Variants in PGR observed in about 807,000 individuals in gnomAD.
PGR encodes the protein nuclear receptor subfamily 3 group C member 3.
A neutral mutation model predicts 76.1 loss-of-function variants in PGR; 25 were observed. The ratio of observed to expected loss-of-function variants is 0.33; its 90% CI spans 0.24 to 0.46. The LOEUF (loss-of-function observed/expected upper bound fraction) is 0.46, where lower values mean the gene tolerates loss of function less well. Among genes scored for constraint, PGR ranks in the 20% least tolerant of loss-of-function variants. The probability of loss-of-function intolerance (pLI) is 1.00; values close to 1 mark genes in which losing one functional copy is unlikely to be tolerated. For missense variants in PGR, 1,172 were observed against 1,225.3 expected (o/e 0.96, Z 0.65); for synonymous variants, 579 against 535.0 (o/e 1.08, Z -1.14).
At chr11:101,093,581 C>T (rs1333988484) in intron 2 of PGR, among the ~76,000 whole-genome samples, 1 of 152,160 alleles carries the variant, frequency 6.6e-6, no homozygotes, top group East Asian at 1.9e-4. Context: ...CTGCCTCAGC[C>T]TCTGAGTAGC....
In PGR at chr11:101,036,803, T is replaced by C. The variant is rs1859531717; in HGVS notation, c.*2313A>G. The C allele has an allele frequency of 5.2e-6, 1 of 192,206 alleles. No individual in the cohort carries two copies. Among genetic ancestry groups the C allele is most frequent in the South Asian group, 1.9e-4 (1 of 5,176 alleles). The allele number at this position is 192,206 out of a possible 1,614,324, so 11.9% of individuals were successfully genotyped here. A position where few individuals can be genotyped will look rare whatever the true frequency, so the allele number is the denominator to read the frequency against. On this transcript the variant is annotated 3_prime_UTR_variant, in exon 8 of 8. Transcript: ENST00000325455. ...ATAGTTGAGTGAAATTAGAAAATTT[T>C]AAAGTTATTATGGAAATTAAATATA...
chr11:101,113,379 A>G (rs1277337705), intron 2 of PGR, among the ~76,000 whole-genome samples: 1 of 150,732 alleles, frequency 6.6e-6, no homozygotes, highest in Non-Finnish European at 1.5e-5. Flanking sequence ...CTCCTGCCTC[A>G]GCCTCCTGAG....
chr11:101,078,033 G>T (rs1295066091), intron 3 of PGR, among the ~76,000 whole-genome samples: 1 of 152,164 alleles, frequency 6.6e-6, no homozygotes, highest in Non-Finnish European at 1.5e-5. Flanking sequence ...CTAAATTCAA[G>T]AATTTTGCAG....
intron 3 of PGR, among the ~76,000 whole-genome samples, chr11:101,089,481 A>C (rs187852005): frequency 3.3e-5 from 5 of 152,320 alleles, no homozygotes; most frequent in African/African-American, 1.2e-4. Context: ...TCTGCTTAAT[A>C]TCTTTCCACA....
intron 3 of PGR, among the ~76,000 whole-genome samples, chr11:101,083,181 C>A (rs1425027064): frequency 6.6e-6 from 1 of 152,196 alleles, no homozygotes; most frequent in Non-Finnish European, 1.5e-5. Context: ...GATGCAAACC[C>A]AAAGCCCTGG....
intron 2 of PGR, among the ~76,000 whole-genome samples, chr11:101,096,847 A>C (rs1032304188): frequency 6.7e-6 from 1 of 149,354 alleles, no homozygotes; most frequent in Non-Finnish European, 1.5e-5. Context: ...GTGATTCTAC[A>C]ACAAGTGTAA....
intron 2 of PGR, among the ~76,000 whole-genome samples, chr11:101,110,241 T>C (rs1862302241): frequency 6.6e-6 from 1 of 152,218 alleles, no homozygotes. Context: ...CTGCCATAGA[T>C]TGTAATTCCT....
chr11:101,126,789 G>A (rs749938254), intron 1 of PGR, among the ~76,000 whole-genome samples: 4 of 152,186 alleles, frequency 2.6e-5, no homozygotes, highest in Non-Finnish European at 2.9e-5. Context: ...TGAATAGCAA[G>A]CAATAATAAG....
chr11:101,089,165 AC>A (rs1861594390), intron 3 of PGR, among the ~76,000 whole-genome samples: 3 of 152,174 alleles, frequency 2.0e-5, no homozygotes, highest in Admixed American at 2.0e-4. Flanking sequence ...ACATGTACCC[AC>A]TGAAGCTAAA....
At chr11:101,039,420 C>T in intron 7 of PGR, 149 bp from the exon 8 acceptor site, 1 of 641,050 alleles carries the variant, frequency 1.6e-6, no homozygotes, top group Non-Finnish European at 2.8e-6. Context: ...TAACTCCCAC[C>T]ATTTTCTAGA....
rs10634903 is a variant in PGR at position 101,038,849 on chromosome 11, G to GAT, written c.*265_*266dup. 95,613 of 381,862 alleles carry GAT rather than the reference G, an allele frequency of 0.25. 12,956 individuals carry two copies. The highest frequency in any genetic ancestry group is 0.39 in the African/African-American group (18,979 of 48,628). The allele number at this position is 381,862 out of a possible 1,614,324, so 23.7% of individuals were successfully genotyped here. A position where few individuals can be genotyped will look rare whatever the true frequency, so the allele number is the denominator to read the frequency against. ...ACATGGTATGAAATAATATGGATAA[G>GAT]ATAGTTTACTTTAACAATTTTAGTA... On this transcript the variant is annotated 3_prime_UTR_variant, in exon 8 of 8. Transcript: ENST00000325455.
At chr11:101,053,585 C>CCCT (rs1555049471) in intron 4 of PGR, among the ~76,000 whole-genome samples, 1 of 120,684 alleles carries the variant, frequency 8.3e-6, no homozygotes, top group Non-Finnish European at 1.8e-5. Context: ...CTCCCCTTCT[C>CCCT]CCTTTCTTCC....
Position 101,029,880 on chromosome 11 carries a change from T to G in PGR, c.*9236A>C, listed in dbSNP as rs1859297002. On this transcript the variant is annotated 3_prime_UTR_variant, in exon 8 of 8. Transcript: ENST00000325455. ...GAAAATAAGTATATGATGATGATAT[T>G]AGGTGCCCACTAGCACCTAGTTTTT... The G allele has an allele frequency of 4.5e-6, 1 of 223,282 alleles. No homozygotes were observed. Among genetic ancestry groups the G allele is most frequent in the African/African-American group, 2.2e-5 (1 of 44,830 alleles). 13.8% of individuals were successfully genotyped at this position (223,282 alleles called of 1,614,324 possible). A position where few individuals can be genotyped will look rare whatever the true frequency, so the allele number is the denominator to read the frequency against.
At chr11:101,098,143 T>G (rs950177611) in intron 2 of PGR, among the ~76,000 whole-genome samples, 1 of 152,208 alleles carries the variant, frequency 6.6e-6, no homozygotes, top group African/African-American at 2.4e-5. Context: ...GATTAGATCA[T>G]TTTATTTGCC....
At chr11:101,125,458 G>C (rs1862809129) in intron 2 of PGR, among the ~76,000 whole-genome samples, 1 of 152,066 alleles carries the variant, frequency 6.6e-6, no homozygotes, top group Non-Finnish European at 1.5e-5. Context: ...TGAACAAAAA[G>C]AGAATTCAAA....
intron 2 of PGR, among the ~76,000 whole-genome samples, chr11:101,119,808 A>G (rs1336910206): frequency 6.6e-6 from 1 of 152,248 alleles, no homozygotes; most frequent in Non-Finnish European, 1.5e-5. Flanking sequence ...GTATAAAGTA[A>G]TTAATATTTG....
At chr11:101,064,699 G>A (rs758500272) in intron 3 of PGR, among the ~76,000 whole-genome samples, 35 of 152,096 alleles carry the variant, frequency 2.3e-4, no homozygotes, top group Non-Finnish European at 8.8e-5. Flanking sequence ...ATACATGTCT[G>A]CTAAATGAAT....
chr11:101,084,656 TAA>T (rs113646711), intron 3 of PGR, among the ~76,000 whole-genome samples: 42 of 139,332 alleles, frequency 3.0e-4, no homozygotes, highest in Middle Eastern at 3.9e-3. Flanking sequence ...AGACTCCATC[TAA>T]AAAAAAAAAA....
At chr11:101,105,646 T>C (rs1591419332) in intron 2 of PGR, among the ~76,000 whole-genome samples, 1 of 152,040 alleles carries the variant, frequency 6.6e-6, no homozygotes, top group Non-Finnish European at 1.5e-5. Context: ...AAAATGGCCA[T>C]ACTGCCCAAA....
Sources: gnomAD v4.1 joint callset for allele counts (sites outside exome capture counted in the v4.1 genomes callset) on GRCh38, gnomAD v4.1.1 for gene constraint, MANE v1.5 for transcripts, NCBI Gene and HGNC (gene_info 2026-07-23, HGNC 2026-07-21) for gene names.